The following STON1 variants were observed in gnomAD, a reference collection of about 807,000 sequenced individuals.
STON1 encodes the protein stonin-1.
STON1 carries 79 observed loss-of-function variants against 60.9 expected under a neutral mutation model. The ratio of observed to expected loss-of-function variants is 1.30; its 90% CI spans 1.08 to 1.56. STON1 has a LOEUF of 1.56. Ranked by LOEUF, STON1 falls within the 40% of genes most tolerant of loss-of-function variation. The pLI is 0.00. For synonymous variants in STON1, 363 were observed against 306.9 expected (o/e 1.18, Z -1.91); for missense variants, 1,166 against 858.9 (o/e 1.36, Z -4.47).
At chr2:48,549,210 G>A (rs998745981) in intron 1 of STON1, among the ~76,000 whole-genome samples, 5 of 152,094 alleles carry the variant, frequency 3.3e-5, no homozygotes, top group African/African-American at 1.2e-4. Flanking sequence ...ACTAAAAAGA[G>A]TAACAAGAGC....
intron 1 of STON1, among the ~76,000 whole-genome samples, chr2:48,548,831 C>A (rs1157457811): frequency 1.1e-4 from 16 of 152,124 alleles, no homozygotes; most frequent in Non-Finnish European, 2.2e-4. Context: ...TCCTTCTAAA[C>A]CCTCCATGCC....
chr2:48,554,707 ATTTTTTTTTTTTTT>A (rs11475306), intron 1 of STON1, among the ~76,000 whole-genome samples: 1 of 88,804 alleles, frequency 1.1e-5, no homozygotes, highest in African/African-American at 4.6e-5. Context: ...TAAGTGCAAA[ATTTTTTTTTTTTTT>A]TTTTATTTAT....
chr2:48,589,951 C>G (rs976446919), intron 2 of STON1, among the ~76,000 whole-genome samples: 1 of 152,156 alleles, frequency 6.6e-6, no homozygotes, highest in Non-Finnish European at 1.5e-5. Context: ...TCACAACAGC[C>G]CTTATAAGGT....
At chr2:48,531,862 T>A (rs1223071085) in intron 1 of STON1, 1 of 152,200 alleles carries the variant, frequency 6.6e-6, no homozygotes. Context: ...GAACAACCCC[T>A]TAAAAAACAG....
At chr2:48,587,129 G>A (rs763003110) in intron 2 of STON1, among the ~76,000 whole-genome samples, 37 of 152,066 alleles carry the variant, frequency 2.4e-4, no homozygotes, top group Admixed American at 1.3e-4. Flanking sequence ...CCTACTAATC[G>A]GGCTCTATGA....
intron 1 of STON1, among the ~76,000 whole-genome samples, chr2:48,552,777 AAATAAT>A (rs755002852): frequency 6.6e-6 from 1 of 152,102 alleles, no homozygotes; most frequent in Non-Finnish European, 1.5e-5. Flanking sequence ...CTCAAAAAAC[AAATAAT>A]AATAATAACT....
rs377643770 is a variant in STON1 at position 48,581,920 on chromosome 2, A to C, written c.1287A>C (p.Lys429Asn). Residue 429 changes from lysine to asparagine, a missense_variant, in exon 2 of 4, where the codon AAA becomes AAC. Lys to Asn is a moderately conservative substitution (Grantham distance 94, BLOSUM62 0). Coordinates refer to ENST00000404752, the MANE Select transcript of STON1 (RefSeq NM_006873.4). ...IVDNFWGKVTKEGKFVESAVI... is the reference protein window; with the variant it reads ...IVDNFWGKVTNEGKFVESAVI... ...ACAACTTTTGGGGTAAAGTCACAAAAGAAGGAAAATTTGTTGAAAGTGCTG... is the reference window on the plus strand; with the variant it reads ...ACAACTTTTGGGGTAAAGTCACAAACGAAGGAAAATTTGTTGAAAGTGCTG... 6.2e-7 allele frequency: 1 copy of C among 1,614,158 alleles called. No homozygotes were observed. The highest frequency in any genetic ancestry group is 8.5e-7 in the Non-Finnish European group (1 of 1,180,026).
chr2:48,570,665 A>G (rs1337933947), intron 1 of STON1, among the ~76,000 whole-genome samples: 1 of 151,924 alleles, frequency 6.6e-6, no homozygotes, highest in Non-Finnish European at 1.5e-5. Flanking sequence ...TTTCTTCTTG[A>G]GTTCAGTGCT....
At chr2:48,594,015 G>T (rs181544066) in intron 3 of STON1, among the ~76,000 whole-genome samples, 14 of 152,232 alleles carry the variant, frequency 9.2e-5, no homozygotes, top group African/African-American at 3.4e-4. Flanking sequence ...ATCAACTTGG[G>T]CTAACGCTGT....
chr2:48,561,928 T>G (rs1169804989), intron 1 of STON1, among the ~76,000 whole-genome samples: 2 of 152,206 alleles, frequency 1.3e-5, no homozygotes, highest in African/African-American at 4.8e-5. Context: ...TGGTGCAATC[T>G]CAGCTCATTG....
At chr2:48,557,951 G>T (rs943000275) in intron 1 of STON1, among the ~76,000 whole-genome samples, 2 of 152,176 alleles carry the variant, frequency 1.3e-5, no homozygotes, top group Non-Finnish European at 2.9e-5. Flanking sequence ...TGTCAGGTGC[G>T]GTGGCTCATG....
At chr2:48,563,228 G>A (rs1386155033) in intron 1 of STON1, among the ~76,000 whole-genome samples, 1 of 152,214 alleles carries the variant, frequency 6.6e-6, no homozygotes, top group Non-Finnish European at 1.5e-5. Context: ...ATGGGTGGGA[G>A]GCTTGAGTGT....
At position 48,550,092 on chromosome 2, in the gene STON1, G is replaced by A. The variant is rs534249879; in HGVS notation, c.-48+19876G>A. Among the ~76,000 whole-genome samples the A allele has an allele frequency of 6.6e-5, 10 of 152,216 alleles. No homozygotes were observed. The South Asian group carries it at 2.1e-3, about 32-fold the overall frequency. On this transcript the variant is annotated intron_variant, in intron 1 of 3. Coordinates refer to ENST00000404752, the MANE Select transcript of STON1 (RefSeq NM_006873.4). ...AGATGCTCTAGTTGAGGATTCTGAA[G>A]TGTGGAGCAAGACTTGCTCTCACCA...
At chr2:48,559,006 T>C (rs2103819829) in intron 1 of STON1, among the ~76,000 whole-genome samples, 1 of 151,862 alleles carries the variant, frequency 6.6e-6, no homozygotes, top group South Asian at 2.1e-4. Context: ...CATTGGAGCA[T>C]TTCAGATTTT....
intron 1 of STON1, 133 bp downstream of exon 1, chr2:48,530,349 T>C: frequency 3.8e-6 from 1 of 263,160 alleles, no homozygotes; most frequent in Non-Finnish European, 7.4e-6. Context: ...GCTCGGCGCC[T>C]CCCCATCTCC....
At chr2:48,557,160 C>T (rs1257053296) in intron 1 of STON1, among the ~76,000 whole-genome samples, 2 of 83,124 alleles carry the variant, frequency 2.4e-5, no homozygotes, top group African/African-American at 8.8e-5. Context: ...CGGGCGGAGA[C>T]GCTCCTCACT....
chr2:48,591,970 C>G, intron 3 of STON1, 115 bp downstream of exon 3: 1 of 1,385,118 alleles, frequency 7.2e-7, no homozygotes, highest in South Asian at 1.5e-5. Context: ...TGAGATTTGC[C>G]CTAGAGAGGA....
intron 1 of STON1, among the ~76,000 whole-genome samples, chr2:48,559,985 G>A (rs140383891): frequency 1.4e-3 from 214 of 152,278 alleles, no homozygotes; most frequent in African/African-American, 5.0e-3. Context: ...TTGTGTGTGG[G>A]AAGGAATTAC....
Position 48,580,809 on chromosome 2 carries a change from G to C in STON1, c.176G>C (p.Ser59Thr). The C allele has an allele frequency of 5.2e-6, 8 of 1,551,772 alleles. No individual in the cohort carries two copies. The highest frequency in any genetic ancestry group is 7.0e-6 in the Non-Finnish European group (8 of 1,150,858). Residue 59 changes from serine (S) to threonine (T), a missense_variant, in exon 2 of 4, where the codon AGC (serine) becomes ACC (threonine). Coordinates refer to ENST00000404752, the MANE Select transcript of STON1 (RefSeq NM_006873.4). Reference protein sequence around the residue: ...EFPSGSSSTSSTPLSSPIVDF... With the variant: ...EFPSGSSSTSTTPLSSPIVDF... ...CCCAGTGGATCTTCCTCCACCAGCAGCACTCCTCTCTCCTCCCCCATTGTA... is the reference window on the plus strand; with the variant it reads ...CCCAGTGGATCTTCCTCCACCAGCACCACTCCTCTCTCCTCCCCCATTGTA...
Sources: gnomAD v4.1 joint callset for allele counts (sites outside exome capture counted in the v4.1 genomes callset) on GRCh38, gnomAD v4.1.1 for gene constraint, MANE v1.5 for transcripts, NCBI Gene and HGNC (gene_info 2026-07-23, HGNC 2026-07-21) for gene names.